PLXNA4: variants seen among roughly 807,000 people sequenced by gnomAD.
The protein encoded by PLXNA4 is plexin-A4.
A neutral mutation model predicts 191.8 loss-of-function variants in PLXNA4; 44 were observed. The observed-to-expected ratio is 0.23, with a 90% CI of 0.18 to 0.29. PLXNA4 has a LOEUF of 0.29. Among genes scored for constraint, PLXNA4 ranks in the 10% least tolerant of loss-of-function variants. PLXNA4 has a pLI of 1.00. For missense variants in PLXNA4, 1,800 were observed against 2,488.8 expected, an observed-to-expected ratio of 0.72 and a Z score of 5.89; for synonymous variants, 1,082 against 1,009.5, an observed-to-expected ratio of 1.07 and a Z score of -1.36.
At chr7:132,404,994 C>T (rs771111709) in intron 3 of PLXNA4, among the ~76,000 whole-genome samples, 24 of 152,058 alleles carry the variant, frequency 1.6e-4, no homozygotes, top group Admixed American at 5.2e-4. Context: ...TGACGTTCTA[C>T]TTTAAAATAA....
intron 4 of PLXNA4, among the ~76,000 whole-genome samples, chr7:132,248,195 C>T (rs1045737759): frequency 6.6e-6 from 1 of 152,178 alleles, no homozygotes; most frequent in Non-Finnish European, 1.5e-5. Context: ...ATAGCTGTTT[C>T]CTCTTCAGCC....
chr7:132,469,584 G>T (rs927970083), intron 3 of PLXNA4, among the ~76,000 whole-genome samples: 5 of 152,170 alleles, frequency 3.3e-5, no homozygotes, highest in African/African-American at 1.2e-4. Flanking sequence ...CTGAAACAGG[G>T]CTCCATTTGG....
chr7:132,603,134 A>G (rs1802851810), intron 2 of PLXNA4, among the ~76,000 whole-genome samples: 1 of 152,214 alleles, frequency 6.6e-6, no homozygotes, highest in South Asian at 2.1e-4. Flanking sequence ...TATTCTTCTC[A>G]TAGCCAGTTT....
At chr7:132,459,367 T>G (rs1173748149) in intron 3 of PLXNA4, among the ~76,000 whole-genome samples, 2 of 152,178 alleles carry the variant, frequency 1.3e-5, no homozygotes, top group Non-Finnish European at 2.9e-5. Context: ...CTTTTCTTAT[T>G]TGAAATATAG....
chr7:132,403,161 A>G (rs1794065665), intron 3 of PLXNA4, among the ~76,000 whole-genome samples: 2 of 152,102 alleles, frequency 1.3e-5, no homozygotes, highest in Admixed American at 1.3e-4. Context: ...CTCTCCCACT[A>G]CACAGAGCCC....
chr7:132,508,050 G>A lies in PLXNA4; in HGVS notation c.644C>T (p.Ala215Val), dbSNP rs1383797231. The A allele has an allele frequency of 6.2e-7, 1 of 1,614,244 alleles. No homozygotes were observed. The highest frequency in any genetic ancestry group is 8.5e-7 in the Non-Finnish European group (1 of 1,180,048). ...CACGAACTCATCATGGAAGACGTAC[G>A]CGAACATGCCATCCGCCTCAGAGTT... ...TKNSEADGMF[A>V]YVFHDEFVAS... Residue 215 changes from alanine (A) to valine (V), a missense_variant, in exon 2 of 32, where the codon GCG becomes GTG. By Grantham distance (64) the Ala-to-Val change is moderately conservative. This residue lies in a region of PLXNA4 where 1,397 missense variants were observed against 1,880.4 expected (regional missense o/e 0.74). Coordinates refer to ENST00000321063, the MANE Select transcript of PLXNA4 (RefSeq NM_020911.2). This position sits in a 1 kb window ranked among gnomAD's most constrained non-coding sequence, Gnocchi z 4.4.
At position 132,522,955 on chromosome 7, in the gene PLXNA4, T is replaced by C. The variant is rs564818174; in HGVS notation, c.-86-14176A>G. 5.9e-5 allele frequency among the ~76,000 whole-genome samples: 9 copies of C among 152,014 alleles called. No individual in the cohort carries two copies. In the South Asian group the frequency reaches 1.7e-3, roughly 28 times the overall value. On this transcript the variant is annotated intron_variant, in intron 1 of 31. Transcript: ENST00000321063. ...CACCTTGATAGGCCTTGAAAACTTG[T>C]GCACAATGGAGCTCAAGGAGGTGGC...
chr7:132,135,562 G>A, intron 30 of PLXNA4, among the ~76,000 whole-genome samples: 1 of 152,094 alleles, frequency 6.6e-6, no homozygotes, highest in East Asian at 1.9e-4. Context: ...CCATCACTAG[G>A]GAAAAAAACA....
chr7:132,300,244 T>C (rs1443257578), intron 3 of PLXNA4, among the ~76,000 whole-genome samples: 1 of 152,120 alleles, frequency 6.6e-6, no homozygotes, highest in Non-Finnish European at 1.5e-5. Flanking sequence ...TGGAAGTCCA[T>C]GCTTTTCCTA....
chr7:132,577,486 G>C (rs1255899310), upstream of PLXNA4, among the ~76,000 whole-genome samples: 1 of 150,722 alleles, frequency 6.6e-6, no homozygotes, highest in East Asian at 2.0e-4. Flanking sequence ...TCGCTGGCTC[G>C]GAGCTCGCGG....
At chr7:132,618,576 G>C (rs752358740) in intron 2 of PLXNA4, among the ~76,000 whole-genome samples, 16 of 152,208 alleles carry the variant, frequency 1.1e-4, no homozygotes, top group Admixed American at 2.6e-4. Flanking sequence ...AACTTGGTCT[G>C]CCTCTCCGGT....
At chr7:132,493,527 G>A (rs1451371194) in intron 2 of PLXNA4, among the ~76,000 whole-genome samples, 1 of 152,102 alleles carries the variant, frequency 6.6e-6, no homozygotes, top group East Asian at 1.9e-4. Context: ...TTTTTTCACT[G>A]GCTCAAATGT....
At chr7:132,505,708 G>A (rs888184628) in intron 2 of PLXNA4, among the ~76,000 whole-genome samples, 1 of 152,110 alleles carries the variant, frequency 6.6e-6, no homozygotes, top group Non-Finnish European at 1.5e-5. Context: ...TGAATTTTTA[G>A]GCCAAGGCTC....
At chr7:132,425,174 C>T (rs370975748) in intron 3 of PLXNA4, among the ~76,000 whole-genome samples, 184 of 152,308 alleles carry the variant, frequency 1.2e-3, no homozygotes, top group Middle Eastern at 6.8e-3. Context: ...CTACGTCTCC[C>T]TAGTGCCAAG....
At position 132,206,742 on chromosome 7, in the gene PLXNA4, G is replaced by A. The variant is rs571130258; in HGVS notation, c.2299-3323C>T. On this transcript the variant is annotated intron_variant, in intron 10 of 31. Transcript: ENST00000321063. ...GAAAGGGGTGGGCATGGCAGATGGA[G>A]CCTCTCTGCCTCTGCAGACAGCTGG... is the stretch of plus-strand genomic sequence containing the variant. 9.2e-5 allele frequency among the ~76,000 whole-genome samples: 14 copies of A among 152,256 alleles called. No homozygotes were observed. The South Asian group carries it at 2.9e-3, about 32-fold the overall frequency.
chr7:132,584,784 G>A lies in PLXNA4; in HGVS notation c.-87+61144C>T, dbSNP rs139736697. 2.7e-3 allele frequency among the ~76,000 whole-genome samples: 416 copies of A among 152,002 alleles called. 1 individual carries two copies. Among genetic ancestry groups the A allele is most frequent in the Non-Finnish European group, 3.6e-3 (243 of 67,952 alleles). On this transcript the variant is annotated intron_variant, in intron 2 of 4. Coordinates refer to the PLXNA4 transcript ENST00000378539. The stretch of plus-strand genomic sequence containing the variant: ...TTGTATATTCTTTTTTCTTTTTGAC[G>A]TTTTACCACGTGCAAGTACTACGTT...
intron 3 of PLXNA4, among the ~76,000 whole-genome samples, chr7:132,417,084 C>T (rs1161664222): frequency 1.3e-5 from 2 of 152,230 alleles, no homozygotes; most frequent in Non-Finnish European, 2.9e-5. Flanking sequence ...AATTCACACT[C>T]TCTTAAGCTA....
chr7:132,523,602 C>T (rs532682460), intron 1 of PLXNA4, among the ~76,000 whole-genome samples: 1 of 152,146 alleles, frequency 6.6e-6, no homozygotes, highest in Non-Finnish European at 1.5e-5. Context: ...AACTTCTAAG[C>T]AAGGGAATGA....
At chr7:132,196,334 A>C (rs1040156409) in intron 13 of PLXNA4, among the ~76,000 whole-genome samples, 2 of 152,194 alleles carry the variant, frequency 1.3e-5, no homozygotes, top group African/African-American at 4.8e-5. Context: ...TTCTGTGGCC[A>C]GTCTTGCTTT....
Sources: allele counts gnomAD v4.1 joint callset (sites outside exome capture counted in the v4.1 genomes callset), GRCh38; gene constraint gnomAD v4.1.1; regional missense constraint gnomAD v4.1.1; non-coding constraint Gnocchi (gnomAD v3.1); transcripts MANE v1.5; gene names NCBI Gene and HGNC (gene_info 2026-07-23, HGNC 2026-07-21).